CAMSAP3: variants seen among roughly 807,000 people sequenced by gnomAD.
CAMSAP3 encodes calmodulin-regulated spectrin-associated protein 3.
Under a neutral mutation model 112.5 loss-of-function variants are expected in CAMSAP3, and 34 were observed. The observed-to-expected ratio is 0.30, with a 90% CI of 0.23 to 0.40. CAMSAP3 has a LOEUF of 0.40. Ranked by LOEUF, CAMSAP3 falls within the 10% of genes least tolerant of loss-of-function variation. The pLI is 1.00. For missense variants in CAMSAP3, 1,602 were observed against 1,770.3 expected (o/e 0.90, Z 1.71); for synonymous variants, 868 against 799.8 (o/e 1.09, Z -1.44).
In CAMSAP3 at chr19:7,595,960, C is replaced by G. The variant is rs1039947518; in HGVS notation, c.-43C>G. On this transcript the variant is annotated 5_prime_UTR_variant, in exon 1 of 17. Transcript: ENST00000160298. ...CGAGCGCGGCGCAGCCCAGCCCAGCCCAGTCCGAGCGCGGACCCGGCGCCC... is the reference window on the plus strand; with the variant it reads ...CGAGCGCGGCGCAGCCCAGCCCAGCGCAGTCCGAGCGCGGACCCGGCGCCC... 5.9e-5 allele frequency: 59 copies of G among 1,002,850 alleles called. No individual in the cohort carries two copies. The highest frequency in any genetic ancestry group is 7.1e-5 in the Non-Finnish European group (59 of 830,806). 62.1% of individuals were successfully genotyped at this position (1,002,850 alleles called of 1,614,324 possible). A position where few individuals can be genotyped will look rare whatever the true frequency, so the allele number is the denominator to read the frequency against.
intron 2 of CAMSAP3, 116 bp from the exon 3 acceptor site, chr19:7,606,155 C>CCCCCCCCCCCCCCCCCCAG: frequency 2.0e-6 from 1 of 512,022 alleles, no homozygotes; most frequent in Non-Finnish European, 3.3e-6. Context: ...CCTCAAGCCC[C>CCCCCCCCCCCCCCCCCCAG]ACCCCCCCCG....
rs1363682203 is a variant in CAMSAP3 at position 7,615,129 on chromosome 19, C to T, written c.2671-54C>T. The T allele has an allele frequency of 3.9e-6, 6 of 1,548,294 alleles. No homozygotes were observed. Among genetic ancestry groups the T allele is most frequent in the Non-Finnish European group, 8.7e-7 (1 of 1,145,206 alleles). On this transcript the variant is annotated intron_variant, in intron 11 of 16. Transcript: ENST00000160298. The surrounding 1 kb of genome is among the most constrained non-coding windows in gnomAD (Gnocchi z 6.5). Reference sequence around the variant, plus strand: ...CAGGCTGGGTGGAGGGAAGATGGGCCTCCAGCCATGTTGGGGGAGGGGGTG... The same window carrying T: ...CAGGCTGGGTGGAGGGAAGATGGGCTTCCAGCCATGTTGGGGGAGGGGGTG...
chr19:7,605,199 C>A, intron 1 of CAMSAP3, 27 bp from the exon 2 acceptor site: 1 of 1,396,522 alleles, frequency 7.2e-7, no homozygotes. Context: ...ACCCTGACCC[C>A]CGTGTTTCCC....
In CAMSAP3 at chr19:7,617,409, C is replaced by T. The variant is rs2030866945; in HGVS notation, c.3296C>T (p.Ser1099Phe). 1 of 1,614,088 alleles carries T rather than the reference C, an allele frequency of 6.2e-7. No individual in the cohort carries two copies. The highest frequency in any genetic ancestry group is 8.5e-7 in the Non-Finnish European group (1 of 1,179,984). ...GACTGGGAAAATGGCAGCAATGCCT[C>T]CTCCCCAGCGTCAGTGCCCGAGTAC... ...ERDWENGSNASSPASVPEYTG... is the reference protein window; with the variant it reads ...ERDWENGSNAFSPASVPEYTG... The change falls in exon 15 of 17, where the codon TCC becomes TTC. Residue 1099 changes from serine (S) to phenylalanine (F), a missense_variant. Around this residue, in one of 6 missense-constraint regions of CAMSAP3, gnomAD observed 1,100 missense variants for 1,135.7 expected, o/e 0.97. Coordinates refer to ENST00000160298, the MANE Select transcript of CAMSAP3 (RefSeq NM_020902.2). This position sits in a 1 kb window ranked among gnomAD's most constrained non-coding sequence, Gnocchi z 7.5.
At chr19:7,609,558 G>T (rs923496598) in intron 5 of CAMSAP3, among the ~76,000 whole-genome samples, 1 of 152,136 alleles carries the variant, frequency 6.6e-6, no homozygotes, top group Non-Finnish European at 1.5e-5. Flanking sequence ...CCAGGGACCG[G>T]TTTTGTGGAA....
intron 13 of CAMSAP3, 30 bp from the exon 14 acceptor site, chr19:7,616,476 AGGGCAGGGGCTTCTGGT>A (rs1274113598): frequency 7.5e-7 from 1 of 1,333,012 alleles, no homozygotes. Context: ...GGTGTTGTGG[AGGGCAGGGGCTTCTGGT>A]GGGCACTGAC....
intron 1 of CAMSAP3, among the ~76,000 whole-genome samples, chr19:7,598,728 A>G (rs1042632637): frequency 6.6e-6 from 1 of 151,804 alleles, no homozygotes; most frequent in African/African-American, 2.4e-5. Flanking sequence ...CGGAGGTTGC[A>G]GTGAGCCGAG....
chr19:7,606,837 C>G, intron 4 of CAMSAP3: 1 of 1,611,888 alleles, frequency 6.2e-7, no homozygotes, highest in Admixed American at 1.7e-5. Flanking sequence ...TCCGCCCCGT[C>G]TGCCTGCCCT....
chr19:7,611,793 A>T lies in CAMSAP3; in HGVS notation c.1300A>T (p.Ser434Cys), dbSNP rs2030502630. The stretch of plus-strand genomic sequence containing the variant: ...GCTCCTCCGCTCTGTGAGCTCGGAC[A>T]GCCTGGGCCCCCCGCGTCCCGCGCC... ...PVLLRSVSSD[S>C]LGPPRPAPAR... Residue 434 changes from serine to cysteine, a missense_variant, in exon 11 of 17, where the codon AGC (serine) becomes TGC (cysteine). Coordinates refer to ENST00000160298, the MANE Select transcript of CAMSAP3 (RefSeq NM_020902.2). This position sits in a 1 kb window ranked among gnomAD's most constrained non-coding sequence, Gnocchi z 6.9. 1 of 1,597,404 alleles carries T rather than the reference A, an allele frequency of 6.3e-7. No individual in the cohort carries two copies. The highest frequency in any genetic ancestry group is 1.3e-5 in the African/African-American group (1 of 74,738).
In CAMSAP3 at chr19:7,608,154, C is replaced by T. The variant is rs372713856; in HGVS notation, c.650C>T (p.Ala217Val). Residue 217 changes from alanine (A) to valine (V), a missense_variant, in exon 5 of 17, where the codon GCG (alanine) becomes GTG (valine). Physicochemically the swap from Ala to Val is moderately conservative, Grantham distance 64. Coordinates refer to ENST00000160298, the MANE Select transcript of CAMSAP3 (RefSeq NM_020902.2). ...SIRYRKDRVV[A>V]RRAPCFPTVT... ...CGATACCGCAAGGACCGTGTGGTGGCGCGACGTGCCCCCTGCTTCCCGACG... is the reference window on the plus strand; with the variant it reads ...CGATACCGCAAGGACCGTGTGGTGGTGCGACGTGCCCCCTGCTTCCCGACG... The T allele has an allele frequency of 6.2e-6, 10 of 1,611,726 alleles. No homozygotes were observed. Among genetic ancestry groups the T allele is most frequent in the Admixed American group, 1.7e-5 (1 of 59,990 alleles).
Position 7,606,355 on chromosome 19 carries a change from A to G in CAMSAP3, c.487A>G (p.Thr163Ala), listed in dbSNP as rs775571206. 5 of 1,613,706 alleles carry G rather than the reference A, an allele frequency of 3.1e-6. No homozygotes were observed. The highest frequency in any genetic ancestry group is 4.2e-6 in the Non-Finnish European group (5 of 1,179,970). The change falls in exon 3 of 17, where the codon ACC becomes GCC. Residue 163 changes from threonine to alanine, a missense_variant. Transcript: ENST00000160298. ...TKTLPGPLAL[T>A]SLEHKLLFWV... ...GACCCTGCCAGGTCCCTTGGCCCTG[A>G]CCAGCTTGGAGCACAAGCTGCTTTT...
chr19:7,613,324 C>T (rs571606949), intron 11 of CAMSAP3, among the ~76,000 whole-genome samples, 161 bp downstream of exon 11: 1 of 138,804 alleles, frequency 7.2e-6, no homozygotes, highest in South Asian at 2.3e-4. Context: ...ATGGACAGAA[C>T]AGGTGTGAGT....
At position 7,612,541 on chromosome 19, in the gene CAMSAP3, CCTT is replaced by C. The variant is rs1003573425; in HGVS notation, c.2051_2053del (p.Phe684del). 25 of 1,536,786 alleles carry C rather than the reference CCTT, an allele frequency of 1.6e-5. No homozygotes were observed. Among genetic ancestry groups the C allele is most frequent in the Non-Finnish European group, 2.2e-5 (25 of 1,145,638 alleles). ...CCAACCTCACGGCCCAAGGCAGTGACCTTCTCGCCAGACCTGGGCCCGGTGCCC... is the reference window on the plus strand; with the variant it reads ...CCAACCTCACGGCCCAAGGCAGTGACCTCGCCAGACCTGGGCCCGGTGCCC... On this transcript the variant is annotated inframe_deletion, in exon 11 of 17. Coordinates refer to ENST00000160298, the MANE Select transcript of CAMSAP3 (RefSeq NM_020902.2).
At position 7,608,154 on chromosome 19, in the gene CAMSAP3, C is replaced by A. The variant is rs372713856; in HGVS notation, c.650C>A (p.Ala217Glu). 20 of 1,611,726 alleles carry A rather than the reference C, an allele frequency of 1.2e-5. No individual in the cohort carries two copies. Among genetic ancestry groups the A allele is most frequent in the Non-Finnish European group, 1.7e-5 (20 of 1,179,808 alleles). The change falls in exon 5 of 17, where the codon GCG (alanine) becomes GAG (glutamate). Residue 217 changes from alanine to glutamate, a missense_variant. Coordinates refer to ENST00000160298, the MANE Select transcript of CAMSAP3 (RefSeq NM_020902.2). Reference sequence around the variant, plus strand: ...CGATACCGCAAGGACCGTGTGGTGGCGCGACGTGCCCCCTGCTTCCCGACG... The same window carrying A: ...CGATACCGCAAGGACCGTGTGGTGGAGCGACGTGCCCCCTGCTTCCCGACG... ...SIRYRKDRVV[A>E]RRAPCFPTVT...
intron 1 of CAMSAP3, 56 bp downstream of exon 1, chr19:7,596,206 T>TGGG (rs539158902): frequency 0.021 from 2,060 of 99,894 alleles, 60 homozygotes; most frequent in East Asian, 0.079. Flanking sequence ...CGGCAGGTGC[T>TGGG]GGGGGGGGGC....
At chr19:7,608,066 C>A in intron 4 of CAMSAP3, 60 bp from the exon 5 acceptor site, 2 of 1,578,884 alleles carry the variant, frequency 1.3e-6, no homozygotes, top group Non-Finnish European at 1.7e-6. Flanking sequence ...GCCCAGCCTG[C>A]ATGACCGCTG....
In CAMSAP3 at chr19:7,608,169, G is replaced by C; in HGVS notation, c.665G>C (p.Cys222Ser). 6.2e-7 allele frequency: 1 copy of C among 1,612,396 alleles called. No individual in the cohort carries two copies. Among genetic ancestry groups the C allele is most frequent in the Non-Finnish European group, 8.5e-7 (1 of 1,179,914 alleles). ...KDRVVARRAP[C>S]FPTVTSLQDL... Reference sequence around the variant, plus strand: ...CGTGTGGTGGCGCGACGTGCCCCCTGCTTCCCGACGGTGACCAGCCTCCAG... The same window carrying C: ...CGTGTGGTGGCGCGACGTGCCCCCTCCTTCCCGACGGTGACCAGCCTCCAG... The change falls in exon 5 of 17, where the codon TGC (cysteine) becomes TCC (serine). Residue 222 changes from cysteine (C) to serine (S), a missense_variant. Cys to Ser is a moderately radical substitution (Grantham distance 112). Coordinates refer to ENST00000160298, the MANE Select transcript of CAMSAP3 (RefSeq NM_020902.2).
intron 5 of CAMSAP3, among the ~76,000 whole-genome samples, chr19:7,609,317 CAAAAAAAAA>C (rs3032314): frequency 2.8e-4 from 27 of 98,178 alleles, no homozygotes; most frequent in Non-Finnish European, 5.3e-4. Context: ...GACTCCATCT[CAAAAAAAAA>C]AAAAAAAAAG....
In CAMSAP3 at chr19:7,616,953, T is replaced by TTTTTTGTTTTTG. The variant is rs1555763719; in HGVS notation, c.3212+342_3212+343insGTTTTTGTTTTT. On this transcript the variant is annotated intron_variant, in intron 14 of 16. Coordinates refer to ENST00000160298, the MANE Select transcript of CAMSAP3 (RefSeq NM_020902.2). ...GCCCGCCTTTTTTTTTTTTTTTTTT[T>TTTTTTGTTTTTG]TTTTTGTTTTTTTGAGAGGGAGTCT... 3.6e-4 allele frequency among the ~76,000 whole-genome samples: 48 copies of TTTTTTGTTTTTG among 131,978 alleles called. 1 individual carries two copies. Among genetic ancestry groups the TTTTTTGTTTTTG allele is most frequent in the Non-Finnish European group, 4.8e-4 (30 of 62,328 alleles). 86.6% of individuals were successfully genotyped at this position (131,978 alleles called of 152,430 possible).
Sources: gnomAD v4.1 joint callset for allele counts (sites outside exome capture counted in the v4.1 genomes callset) on GRCh38, gnomAD v4.1.1 for gene constraint, gnomAD v4.1.1 regional missense constraint, Gnocchi (gnomAD v3.1) non-coding constraint, MANE v1.5 for transcripts, NCBI Gene and HGNC (gene_info 2026-07-23, HGNC 2026-07-21) for gene names.